The following LONP2 variants were observed in gnomAD, a reference collection of about 807,000 sequenced individuals.
LONP2 encodes lon peptidase 2, peroxisomal.
A neutral mutation model predicts 85.6 loss-of-function variants in LONP2; 60 were observed. That is an observed-to-expected ratio of 0.70 (90% CI 0.57 to 0.87). The LOEUF (loss-of-function observed/expected upper bound fraction) is 0.87, where lower values mean the gene tolerates loss of function less well. LONP2 is among the 40% of genes least tolerant of loss of function. LONP2 has a pLI of 0.00. For synonymous variants in LONP2, 395 were observed against 389.7 expected, an observed-to-expected ratio of 1.01 and a Z score of -0.16; for missense variants, 860 against 1,063.5, an observed-to-expected ratio of 0.81 and a Z score of 2.66.
rs951073988 is a variant in LONP2, at chr16:48,362,568, A to T, written c.*705A>T. 3.7e-6 allele frequency: 3 copies of T among 813,148 alleles called. No homozygotes were observed. In the South Asian group the frequency reaches 5.6e-5, roughly 15 times the overall value. The allele number at this position is 813,148 out of a possible 1,614,324, so 50.4% of individuals were successfully genotyped here. A position where few individuals can be genotyped will look rare whatever the true frequency, so the allele number is the denominator to read the frequency against. On this transcript the variant is annotated 3_prime_UTR_variant, in exon 5 of 5. Transcript: ENST00000565867. The surrounding 1 kb of genome is among the most constrained non-coding windows in gnomAD (Gnocchi z 4.2). ...GCAAAAGAGGAAGAAAAATAGGATT[A>T]AAAAAGATATTAAAAAAATAAAATT... is the stretch of plus-strand genomic sequence containing the variant.
In LONP2 at chr16:48,258,729, G is replaced by A. The variant is rs764340922; in HGVS notation, c.712G>A (p.Asp238Asn). The change falls in exon 4 of 15, where the codon GAT (aspartate) becomes AAT (asparagine). Residue 238 changes from aspartate to asparagine, a missense_variant. Physicochemically the swap from Asp to Asn is conservative, Grantham distance 23 (BLOSUM62 1). Around this residue, in one of 3 missense-constraint regions of LONP2, gnomAD observed 743 missense variants for 917.3 expected, o/e 0.81. Transcript: ENST00000285737. ...AAAAACCAGAAAACCCAAGCAAGATGATGATAAGAGGGTAAATATTTATTT... is the reference window on the plus strand; with the variant it reads ...AAAAACCAGAAAACCCAAGCAAGATAATGATAAGAGGGTAAATATTTATTT... ...LQKTRKPKQDDDKRVIAIRPI... is the reference protein window; with the variant it reads ...LQKTRKPKQDNDKRVIAIRPI... 1.9e-6 allele frequency: 3 copies of A among 1,605,728 alleles called. No individual in the cohort carries two copies. Among genetic ancestry groups the A allele is most frequent in the Admixed American group, 3.4e-5 (2 of 58,072 alleles).
chr16:48,359,151 T>C (rs954500187), downstream of LONP2, among the ~76,000 whole-genome samples: 2 of 152,088 alleles, frequency 1.3e-5, no homozygotes, highest in Non-Finnish European at 1.5e-5. Flanking sequence ...TTTTGTACTT[T>C]TAGTAGAGAC....
chr16:48,256,754 C>A lies in LONP2; in HGVS notation c.600+13C>A, dbSNP rs750397946. On this transcript the variant is annotated intron_variant, in intron 3 of 14. Coordinates refer to ENST00000285737, the MANE Select transcript of LONP2 (RefSeq NM_031490.5). ...AGAGAAACTCCAGGTACAGTGTTCC[C>A]TTTTGAACGCCAGGTTGCTTTGTCA... is the stretch of plus-strand genomic sequence containing the variant. The A allele has an allele frequency of 5.6e-6, 9 of 1,609,968 alleles. No individual in the cohort carries two copies. The South Asian group carries it at 9.9e-5, about 18-fold the overall frequency.
downstream of LONP2, among the ~76,000 whole-genome samples, chr16:48,360,088 G>T (rs1960520960): frequency 6.6e-6 from 1 of 152,198 alleles, no homozygotes. Flanking sequence ...CCATTTAAAG[G>T]TTTTAAGTAT....
intron 11 of LONP2, among the ~76,000 whole-genome samples, chr16:48,317,787 C>A (rs781182330): frequency 6.6e-6 from 1 of 152,194 alleles, no homozygotes; most frequent in Non-Finnish European, 1.5e-5. Flanking sequence ...TGATGACAGG[C>A]CTGTCCTCTT....
chr16:48,276,722 C>G (rs890231522), intron 7 of LONP2, among the ~76,000 whole-genome samples: 2 of 152,046 alleles, frequency 1.3e-5, no homozygotes, highest in African/African-American at 4.8e-5. Flanking sequence ...CAGTTTTGTT[C>G]AAAAGGACAG....
At chr16:48,335,716 A>G (rs1315372348) in intron 12 of LONP2, among the ~76,000 whole-genome samples, 2 of 152,206 alleles carry the variant, frequency 1.3e-5, no homozygotes, top group African/African-American at 4.8e-5. Context: ...CAGATGAGAA[A>G]TAGCCCCCAA....
chr16:48,347,454 C>T, intron 12 of LONP2, 53 bp from the exon 13 acceptor site: 1 of 1,563,424 alleles, frequency 6.4e-7, no homozygotes. Flanking sequence ...TGTGTGGTAT[C>T]AGTCACCTTT....
intron 1 of LONP2, among the ~76,000 whole-genome samples, chr16:48,245,821 T>C (rs1338766512): frequency 6.6e-6 from 1 of 152,160 alleles, no homozygotes; most frequent in Non-Finnish European, 1.5e-5. Flanking sequence ...CCACATTATA[T>C]TTTTATTGGA....
chr16:48,277,378 G>T lies in LONP2; in HGVS notation c.1282G>T (p.Gly428Cys), dbSNP rs748729417. Residue 428 changes from glycine (G) to cysteine (C), a missense_variant, in exon 8 of 15, where the codon GGC becomes TGC. Gly to Cys is a radical substitution (Grantham distance 159). This residue lies in a region of LONP2 where 743 missense variants were observed against 917.3 expected (regional missense o/e 0.81). Coordinates refer to ENST00000285737, the MANE Select transcript of LONP2 (RefSeq NM_031490.5). ...VGSMPGRIIN[G>C]LKTVGVNNPV... is the part of the protein sequence containing the mutation. ...CAGCATGCCTGGTCGCATCATCAAC[G>T]GCTTGAAGACTGTGGGAGTGAACAA... 1 of 1,613,262 alleles carries T rather than the reference G, an allele frequency of 6.2e-7. No homozygotes were observed. The highest frequency in any genetic ancestry group is 8.5e-7 in the Non-Finnish European group (1 of 1,179,606).
At position 48,303,304 on chromosome 16, in the gene LONP2, A is replaced by G. The variant is rs1972845748; in HGVS notation, c.1794A>G (p.Glu598=). The G allele has an allele frequency of 6.2e-7, 1 of 1,612,460 alleles. No individual in the cohort carries two copies. The highest frequency in any genetic ancestry group is 8.5e-7 in the Non-Finnish European group (1 of 1,178,650). Residue 598 remains glutamate, a splice_region_variant and synonymous_variant, in exon 11 of 15, where the codon GAA becomes GAG. Transcript: ENST00000285737. The part of the protein sequence containing the change: ...KLDRSDVTER[E]GCREHILEDE... ...ACCGTTCTGATGTGACTGAGAGAGA[A>G]GGTTGGTGACCTTGTTCTGGCATTC...
chr16:48,255,368 G>A (rs535119086), intron 2 of LONP2, among the ~76,000 whole-genome samples: 9 of 152,076 alleles, frequency 5.9e-5, no homozygotes, highest in Non-Finnish European at 1.2e-4. Context: ...CTTCCACTAC[G>A]TTTCATGGAT....
At chr16:48,253,516 A>G (rs1295853437) in intron 2 of LONP2, among the ~76,000 whole-genome samples, 1 of 152,106 alleles carries the variant, frequency 6.6e-6, no homozygotes, top group Admixed American at 6.6e-5. Flanking sequence ...TAATTTCTAT[A>G]TGGGCTGAAA....
In LONP2 at chr16:48,258,469, G is replaced by A. The variant is rs1480028411; in HGVS notation, c.601-149G>A. ...TCAAACAACCTTGCTGATTAATATA[G>A]TTCATTTGGTTGTCTTAGCCATAGT... On this transcript the variant is annotated intron_variant, in intron 3 of 14. Transcript: ENST00000285737. 3 of 558,940 alleles carry A rather than the reference G, an allele frequency of 5.4e-6. No homozygotes were observed. The African/African-American group carries it at 5.9e-5, about 11-fold the overall frequency. 34.6% of individuals were successfully genotyped at this position (558,940 alleles called of 1,614,324 possible). A position where few individuals can be genotyped will look rare whatever the true frequency, so the allele number is the denominator to read the frequency against.
At chr16:48,298,327 G>A (rs182527669) in intron 9 of LONP2, among the ~76,000 whole-genome samples, 2 of 152,028 alleles carry the variant, frequency 1.3e-5, no homozygotes, top group Admixed American at 1.3e-4. Flanking sequence ...TTTGTCTTAC[G>A]GGATTTAGAG....
intron 2 of LONP2, among the ~76,000 whole-genome samples, chr16:48,253,422 A>G (rs1971694520): frequency 6.6e-6 from 1 of 151,846 alleles, no homozygotes; most frequent in Non-Finnish European, 1.5e-5. Context: ...GTGAGCCAAG[A>G]TTGCATCACT....
intron 11 of LONP2, among the ~76,000 whole-genome samples, chr16:48,328,859 A>C (rs1596989668): frequency 6.8e-6 from 1 of 147,726 alleles, no homozygotes; most frequent in Admixed American, 6.8e-5. Flanking sequence ...CGGTGGGGGG[A>C]GCGGGAGCCA....
rs1376940485 is a variant in LONP2, at chr16:48,362,907, C to G, written c.*1044C>G. ...AATCGGCACTCTGTATCCACACGGT[C>G]TGCATCCGAGGACTTCACCAGCCAT... On this transcript the variant is annotated 3_prime_UTR_variant, in exon 5 of 5. Coordinates refer to the LONP2 transcript ENST00000565867. This position sits in a 1 kb window ranked among gnomAD's most constrained non-coding sequence, Gnocchi z 4.2. 3 of 167,388 alleles carry G rather than the reference C, an allele frequency of 1.8e-5. No homozygotes were observed. Among genetic ancestry groups the G allele is most frequent in the Non-Finnish European group, 4.3e-5 (3 of 69,140 alleles). 10.4% of individuals were successfully genotyped at this position (167,388 alleles called of 1,614,324 possible). A position where few individuals can be genotyped will look rare whatever the true frequency, so the allele number is the denominator to read the frequency against.
At chr16:48,249,783 C>T (rs1971582580) in intron 1 of LONP2, among the ~76,000 whole-genome samples, 1 of 152,144 alleles carries the variant, frequency 6.6e-6, no homozygotes, top group Admixed American at 6.5e-5. Context: ...AAGTAAAAAG[C>T]AATTAAGGCA....
Sources: allele counts gnomAD v4.1 joint callset (sites outside exome capture counted in the v4.1 genomes callset), GRCh38; gene constraint gnomAD v4.1.1; regional missense constraint gnomAD v4.1.1; non-coding constraint Gnocchi (gnomAD v3.1); transcripts MANE v1.5; gene names NCBI Gene and HGNC (gene_info 2026-07-23, HGNC 2026-07-21).